The following USP53 variants were observed in gnomAD, a reference collection of about 807,000 sequenced individuals.
USP53 encodes ubiquitin carboxyl-terminal hydrolase 53.
A neutral mutation model predicts 94.9 loss-of-function variants in USP53; 71 were observed. That is an observed-to-expected ratio of 0.75 (90% CI 0.62 to 0.91). The LOEUF is 0.91. Ranked by LOEUF, USP53 falls within the 40% of genes least tolerant of loss-of-function variation. The probability of loss-of-function intolerance (pLI) is 0.00; values close to 1 mark genes in which losing one functional copy is unlikely to be tolerated. For missense variants in USP53, 1,173 were observed against 1,281.0 expected, an observed-to-expected ratio of 0.92 and a Z score of 1.29; for synonymous variants, 375 against 422.7, an observed-to-expected ratio of 0.89 and a Z score of 1.39.
intron 17 of USP53, among the ~76,000 whole-genome samples, chr4:119,279,362 G>A (rs1381004562): frequency 6.7e-5 from 10 of 149,296 alleles, no homozygotes; most frequent in African/African-American, 2.5e-4. Flanking sequence ...ACCCTGCCGT[G>A]TGAGGTGTCA....
Position 119,288,770 on chromosome 4 carries a change from C to G in USP53, c.2252-2395C>G, listed in dbSNP as rs145921274. Reference sequence around the variant, plus strand: ...TGACCAATATGAAGAAACCCCGTCTCTACTAAAAATATAAAAAATTAGCCA... The same window carrying G: ...TGACCAATATGAAGAAACCCCGTCTGTACTAAAAATATAAAAAATTAGCCA... On this transcript the variant is annotated intron_variant, in intron 17 of 18. Transcript: ENST00000692078. Among the ~76,000 whole-genome samples, 3 of 152,024 alleles carry G rather than the reference C, an allele frequency of 2.0e-5. No homozygotes were observed. The East Asian group carries it at 5.8e-4, about 29-fold the overall frequency.
At chr4:119,282,054 G>A (rs187030707) in intron 17 of USP53, among the ~76,000 whole-genome samples, 1,589 of 152,050 alleles carry the variant, frequency 0.01, 19 homozygotes, top group South Asian at 0.02. Flanking sequence ...CCTCATATAG[G>A]TGGAACCATA....
At chr4:119,221,054 C>T (rs929955652) in intron 3 of USP53, 3 of 152,076 alleles carry the variant, frequency 2.0e-5, no homozygotes, top group Admixed American at 6.5e-5. Flanking sequence ...GAATGGCTGA[C>T]TTGACTTAGT....
chr4:119,268,430 T>C lies in USP53; in HGVS notation c.1288+10T>C. The C allele has an allele frequency of 6.3e-7, 1 of 1,596,284 alleles. No individual in the cohort carries two copies. The highest frequency in any genetic ancestry group is 8.5e-7 in the Non-Finnish European group (1 of 1,171,856). On this transcript the variant is annotated intron_variant, in intron 14 of 18. Transcript: ENST00000692078. ...GTAGGGAAAGGACCAGGTATGTGTTTAAATTGTCATTTTTACATAGTTCCA... is the reference window on the plus strand; with the variant it reads ...GTAGGGAAAGGACCAGGTATGTGTTCAAATTGTCATTTTTACATAGTTCCA...
Position 119,248,889 on chromosome 4 carries a change from GTTTCTGATAT to G in USP53, c.372+9_372+18del, listed in dbSNP as rs780285944. 298 of 1,613,594 alleles carry G rather than the reference GTTTCTGATAT, an allele frequency of 1.8e-4. No homozygotes were observed. Among genetic ancestry groups the G allele is most frequent in the Non-Finnish European group, 2.4e-4 (288 of 1,179,946 alleles). ...TGATGCTGCGGAGTGCTTTGTAAGT[GTTTCTGATAT>G]TCCTTAAGAAGTCAGGATAGTAGTT... On this transcript the variant is annotated splice_region_variant and intron_variant, in intron 7 of 18. Transcript: ENST00000692078.
intron 13 of USP53, 68 bp downstream of exon 13, chr4:119,267,550 C>T: frequency 6.9e-7 from 1 of 1,451,296 alleles, no homozygotes. Context: ...TACTAGTACT[C>T]TGAATATAAA....
intron 13 of USP53, 124 bp from the exon 14 acceptor site, chr4:119,268,144 G>A (rs374774104): frequency 1.8e-4 from 186 of 1,007,130 alleles, no homozygotes; most frequent in African/African-American, 3.9e-4. Flanking sequence ...TCCGCAGTCC[G>A]GCCTGGGCGA....
At chr4:119,236,386 T>C (rs1007191086) in intron 4 of USP53, among the ~76,000 whole-genome samples, 2 of 152,220 alleles carry the variant, frequency 1.3e-5, no homozygotes, top group Non-Finnish European at 2.9e-5. Context: ...AGGGTGATGG[T>C]TGCTGAAGGT....
Position 119,245,390 on chromosome 4 carries a change from T to C in USP53, c.198T>C (p.His66=). 1 of 1,613,962 alleles carries C rather than the reference T, an allele frequency of 6.2e-7. No individual in the cohort carries two copies. Among genetic ancestry groups the C allele is most frequent in the Non-Finnish European group, 8.5e-7 (1 of 1,179,906 alleles). ...GAAGCTTGCGGGTTTTGACTGGACA[T>C]GTTTGTCAGGGAGATGCCTGTATAT... ...FRRSLRVLTG[H]VCQGDACIFC... The change falls in exon 6 of 19, where the codon CAT becomes CAC. Residue 66 remains histidine (H), a synonymous_variant. Transcript: ENST00000692078.
Position 119,261,782 on chromosome 4 carries a change from A to G in USP53, c.890A>G (p.Tyr297Cys). ...CTTAACCTTGTTGGTATGATCTGCT[A>G]CACCAGCCAACATTATTGTGCCTTT... ...SELNLVGMIC[Y>C]TSQHYCAFAF... Residue 297 changes from tyrosine to cysteine, a missense_variant, in exon 12 of 19, where the codon TAC becomes TGC. Transcript: ENST00000692078. 6.5e-7 allele frequency: 1 copy of G among 1,540,606 alleles called. No individual in the cohort carries two copies. The highest frequency in any genetic ancestry group is 8.9e-7 in the Non-Finnish European group (1 of 1,129,090).
Position 119,256,523 on chromosome 4 carries a change from G to A in USP53, c.569G>A (p.Cys190Tyr). The change falls in exon 9 of 19, where the codon TGC becomes TAC. Residue 190 changes from cysteine to tyrosine, a missense_variant and splice_region_variant. Cys to Tyr is a radical substitution (Grantham distance 194, BLOSUM62 -2). Coordinates refer to ENST00000692078, the MANE Select transcript of USP53 (RefSeq NM_001371395.1). ...FVRYISTTAL[C>Y]NEVERMLERH... ...CGGTACATTTCTACAACAGCCTTAT[G>A]GTAAGAACCTATTAAAGCTTAATTA... 1 of 1,613,758 alleles carries A rather than the reference G, an allele frequency of 6.2e-7. No homozygotes were observed. The highest frequency in any genetic ancestry group is 8.5e-7 in the Non-Finnish European group (1 of 1,179,794).
At chr4:119,280,309 A>G (rs911831383) in intron 17 of USP53, among the ~76,000 whole-genome samples, 3 of 151,644 alleles carry the variant, frequency 2.0e-5, no homozygotes, top group Non-Finnish European at 2.9e-5. Flanking sequence ...ACTAGCCCTT[A>G]AAACTGTGAT....
chr4:119,273,423 T>G, intron 16 of USP53: 1 of 419,944 alleles, frequency 2.4e-6, no homozygotes, highest in South Asian at 5.9e-5. Flanking sequence ...GACTTAGATT[T>G]TAATTATTGG....
At position 119,245,386 on chromosome 4, in the gene USP53, G is replaced by A. The variant is rs764793827; in HGVS notation, c.194G>A (p.Gly65Glu). 3.7e-6 allele frequency: 6 copies of A among 1,613,872 alleles called. No homozygotes were observed. The highest frequency in any genetic ancestry group is 5.1e-6 in the Non-Finnish European group (6 of 1,179,888). Residue 65 changes from glycine to glutamate, a missense_variant, in exon 6 of 19, where the codon GGA (glycine) becomes GAA (glutamate). Coordinates refer to ENST00000692078, the MANE Select transcript of USP53 (RefSeq NM_001371395.1). ...CGACGAAGCTTGCGGGTTTTGACTG[G>A]ACATGTTTGTCAGGGAGATGCCTGT... ...IFRRSLRVLT[G>E]HVCQGDACIF...
intron 3 of USP53, among the ~76,000 whole-genome samples, chr4:119,222,431 C>A (rs1029138324): frequency 6.6e-6 from 1 of 151,920 alleles, no homozygotes; most frequent in Admixed American, 6.5e-5. Flanking sequence ...CATTGACCAA[C>A]CTCTCTTTAT....
chr4:119,237,964 G>A (rs773636869), intron 4 of USP53, among the ~76,000 whole-genome samples: 4 of 152,124 alleles, frequency 2.6e-5, no homozygotes, highest in South Asian at 2.1e-4. Flanking sequence ...ATTAAAGAGC[G>A]TTAGGGCCTT....
In USP53 at chr4:119,271,366, T is replaced by G. The variant is rs746130276; in HGVS notation, c.1506T>G (p.His502Gln). 8.1e-6 allele frequency: 13 copies of G among 1,611,218 alleles called. No individual in the cohort carries two copies. The Middle Eastern group carries it at 5.0e-4, about 62-fold the overall frequency. The change falls in exon 16 of 19, where the codon CAT (histidine) becomes CAG (glutamine). Residue 502 changes from histidine to glutamine, a missense_variant. Transcript: ENST00000692078. ...CTGCCCCAAATGGTTTTAAACAACA[T>G]GGGAATCCACATCTATATCATAGTC... ...SPPAPNGFKQ[H>Q]GNPHLYHSQG... is the part of the protein sequence containing the mutation.
chr4:119,223,584 C>T (rs1225417419), intron 3 of USP53, among the ~76,000 whole-genome samples: 1 of 152,086 alleles, frequency 6.6e-6, no homozygotes, highest in Non-Finnish European at 1.5e-5. Flanking sequence ...TTAGAAATCC[C>T]GACTAAGAGT....
At chr4:119,249,955 C>T (rs1578473857) in intron 7 of USP53, among the ~76,000 whole-genome samples, 2 of 152,112 alleles carry the variant, frequency 1.3e-5, no homozygotes, top group South Asian at 4.1e-4. Context: ...TGAGCCACTG[C>T]GACTGGCCTT....
Sources: allele counts gnomAD v4.1 joint callset (sites outside exome capture counted in the v4.1 genomes callset), GRCh38; gene constraint gnomAD v4.1.1; transcripts MANE v1.5; gene names NCBI Gene and HGNC (gene_info 2026-07-23, HGNC 2026-07-21).